The following GCNT1 variants were observed in gnomAD, a reference collection of about 807,000 sequenced individuals.
GCNT1 encodes beta-1,3-galactosyl-O-glycosyl-glycoprotein beta-1,6-N-acetylglucosaminyltransferase.
Under a neutral mutation model 26.2 loss-of-function variants are expected in GCNT1, and 16 were observed. That is an observed-to-expected ratio of 0.61 (90% confidence interval 0.41 to 0.93). The LOEUF is 0.93. Among genes scored for constraint, GCNT1 ranks in the 40% least tolerant of loss-of-function variants. GCNT1 has a pLI of 0.00. For missense variants in GCNT1, 477 were observed against 526.7 expected (o/e 0.91, Z 0.92); for synonymous variants, 183 against 190.8 (o/e 0.96, Z 0.34).
intron 2 of GCNT1, among the ~76,000 whole-genome samples, chr9:76,494,557 T>G (rs1018767129): frequency 6.6e-6 from 1 of 152,128 alleles, no homozygotes; most frequent in East Asian, 1.9e-4. Context: ...GTCTGAGAAA[T>G]AATTTTGGCA....
chr9:76,470,960 C>CT (rs1369726627), intron 2 of GCNT1, among the ~76,000 whole-genome samples: 4 of 152,182 alleles, frequency 2.6e-5, no homozygotes, highest in Non-Finnish European at 4.4e-5. Flanking sequence ...AAATGCAGAA[C>CT]TTGCCTCTGA....
intron 2 of GCNT1, among the ~76,000 whole-genome samples, chr9:76,470,041 C>T (rs1824096344): frequency 6.6e-6 from 1 of 152,066 alleles, no homozygotes; most frequent in Admixed American, 6.6e-5. Flanking sequence ...TAAGGGTACT[C>T]TTAGGGTCTA....
the GCNT1 span, among the ~76,000 whole-genome samples, chr9:76,396,966 A>C: frequency 6.6e-6 from 1 of 151,532 alleles, no homozygotes; most frequent in African/African-American, 2.4e-5. Context: ...CAGCCTAATG[A>C]CAAAGCAAGA....
At chr9:76,419,021 G>A (rs1823155860), upstream of GCNT1, among the ~76,000 whole-genome samples, 2 of 152,066 alleles carry the variant, frequency 1.3e-5, no homozygotes, top group Admixed American at 6.5e-5. Flanking sequence ...GCTGGAGGGG[G>A]GTGTCAGAGA....
intron 2 of GCNT1, among the ~76,000 whole-genome samples, chr9:76,500,713 TC>T (rs760231237): frequency 2.6e-5 from 4 of 152,198 alleles, no homozygotes; most frequent in Non-Finnish European, 5.9e-5. Context: ...CAGGGTGTTT[TC>T]AAATCTTTAG....
At chr9:76,409,251 T>C in the GCNT1 span, among the ~76,000 whole-genome samples, 3 of 152,202 alleles carry the variant, frequency 2.0e-5, no homozygotes, top group African/African-American at 7.2e-5. Context: ...TCATATTTCT[T>C]TATGATTCTT....
intron 1 of GCNT1, among the ~76,000 whole-genome samples, chr9:76,426,388 C>T (rs187377655): frequency 2.6e-5 from 4 of 152,010 alleles, no homozygotes; most frequent in Admixed American, 2.6e-4. Context: ...GGCAACATGG[C>T]GAAGCCCTGT....
intron 1 of GCNT1, among the ~76,000 whole-genome samples, chr9:76,424,679 C>G (rs182885289): frequency 6.6e-6 from 1 of 152,146 alleles, no homozygotes; most frequent in Non-Finnish European, 1.5e-5. Flanking sequence ...TGATAGATAA[C>G]TAAATCTCTT....
rs370098952 is a variant in GCNT1 at position 76,492,435 on chromosome 9, G to A, written c.-289-8481G>A. ...CATCCCAGGATTCCTCAGATGGTAA[G>A]GGACCTTGAGGACAGCTGTCCGGGA... On this transcript the variant is annotated intron_variant, in intron 2 of 3. Transcript: ENST00000376730. Among the ~76,000 whole-genome samples the A allele has an allele frequency of 1.2e-4, 18 of 152,100 alleles. No individual in the cohort carries two copies. The South Asian group carries it at 1.3e-3, about 11-fold the overall frequency.
chr9:76,447,975 G>A (rs994959259), intron 1 of GCNT1, among the ~76,000 whole-genome samples: 22 of 152,182 alleles, frequency 1.4e-4, no homozygotes, highest in Admixed American at 2.6e-4. Flanking sequence ...TGTGCCAGCC[G>A]TCTTTGTCCA....
At chr9:76,463,838 G>A (rs1823933125) in intron 2 of GCNT1, among the ~76,000 whole-genome samples, 1 of 152,132 alleles carries the variant, frequency 6.6e-6, no homozygotes, top group Non-Finnish European at 1.5e-5. Context: ...GTGACCTTGA[G>A]ACCTAACCTG....
the GCNT1 span, chr9:76,394,601 C>G: frequency 1.1e-4 from 17 of 154,940 alleles, no homozygotes; most frequent in African/African-American, 4.2e-4. Context: ...GCCGCAAGCT[C>G]CCGCTGCAGG....
chr9:76,441,642 C>T (rs544203411), upstream of GCNT1: 7 of 152,476 alleles, frequency 4.6e-5, no homozygotes, highest in Admixed American at 3.9e-4. Flanking sequence ...ATTTGAGACA[C>T]GAAGAAAGTG....
chr9:76,466,765 C>T (rs1245946875), intron 2 of GCNT1, among the ~76,000 whole-genome samples: 1 of 152,150 alleles, frequency 6.6e-6, no homozygotes, highest in African/African-American at 2.4e-5. Context: ...ATTTTGGGTC[C>T]AGAATCGTGA....
At chr9:76,462,728 C>T (rs1487424078) in intron 2 of GCNT1, among the ~76,000 whole-genome samples, 1 of 152,196 alleles carries the variant, frequency 6.6e-6, no homozygotes, top group African/African-American at 2.4e-5. Context: ...ATTTAAACAT[C>T]TGACGCCTTG....
chr9:76,492,708 A>G (rs1001363477), intron 2 of GCNT1, among the ~76,000 whole-genome samples: 3 of 151,406 alleles, frequency 2.0e-5, no homozygotes, highest in African/African-American at 4.9e-5. Context: ...TCGTTGGACA[A>G]TCTTTTTTAA....
At chr9:76,498,104 A>G (rs1824960102) in intron 2 of GCNT1, among the ~76,000 whole-genome samples, 1 of 152,116 alleles carries the variant, frequency 6.6e-6, no homozygotes, top group African/African-American at 2.4e-5. Context: ...TCTTAGCCTA[A>G]TGTTTTCTAG....
At chr9:76,464,219 G>A (rs1379828463) in intron 2 of GCNT1, among the ~76,000 whole-genome samples, 1 of 151,842 alleles carries the variant, frequency 6.6e-6, no homozygotes, top group African/African-American at 2.4e-5. Context: ...CCCACTTTTT[G>A]TTTGTTTGTT....
upstream of GCNT1, among the ~76,000 whole-genome samples, chr9:76,415,354 A>T (rs146601154): frequency 2.6e-3 from 403 of 152,134 alleles, 1 homozygote; most frequent in African/African-American, 9.4e-3. Context: ...ACCACACCTG[A>T]CCTTGACGGT....
Sources: gnomAD v4.1 joint callset for allele counts (sites outside exome capture counted in the v4.1 genomes callset) on GRCh38, gnomAD v4.1.1 for gene constraint, MANE v1.5 for transcripts, NCBI Gene and HGNC (gene_info 2026-07-23, HGNC 2026-07-21) for gene names.